STXBP5L: variants seen among roughly 807,000 people sequenced by gnomAD.
The protein encoded by STXBP5L is syntaxin-binding protein 5-like.
STXBP5L carries 65 observed loss-of-function variants against 144.5 expected under a neutral mutation model. The ratio of observed to expected loss-of-function variants is 0.45; its 90% CI spans 0.37 to 0.55. The LOEUF (loss-of-function observed/expected upper bound fraction) is 0.55. STXBP5L is among the 20% of genes least tolerant of loss of function. The pLI, the probability that STXBP5L is intolerant of heterozygous loss-of-function variation, is 0.00. For synonymous variants in STXBP5L, 505 were observed against 469.6 expected (o/e 1.08, Z -0.97); for missense variants, 1,298 against 1,405.5 (o/e 0.92, Z 1.22).
At chr3:121,005,935 G>A (rs892956317) in intron 3 of STXBP5L, among the ~76,000 whole-genome samples, 3 of 152,098 alleles carry the variant, frequency 2.0e-5, no homozygotes, top group South Asian at 2.1e-4. Flanking sequence ...TATGATTTCT[G>A]TTCTTTTACA....
intron 2 of STXBP5L, among the ~76,000 whole-genome samples, chr3:120,918,231 G>A (rs1172385325): frequency 3.3e-5 from 5 of 152,078 alleles, no homozygotes; most frequent in Non-Finnish European, 7.4e-5. Flanking sequence ...GATAATCCAG[G>A]TTAATCTCCC....
intron 7 of STXBP5L, among the ~76,000 whole-genome samples, chr3:121,139,011 A>G (rs2045381746): frequency 6.6e-6 from 1 of 152,024 alleles, no homozygotes; most frequent in Non-Finnish European, 1.5e-5. Context: ...GTTCTTACTC[A>G]TATTGGAGGG....
rs1419391732 is a variant in STXBP5L, at chr3:121,240,463, T to C, written c.1356T>C (p.Ala452=). The C allele has an allele frequency of 2.5e-6, 4 of 1,613,598 alleles. No individual in the cohort carries two copies. The highest frequency in any genetic ancestry group is 2.2e-5 in the East Asian group (1 of 44,780). Residue 452 remains alanine, a synonymous_variant, in exon 14 of 27, where the codon GCT becomes GCC. Transcript: ENST00000471454. ...SNKEWPISGG[A]WNLGAQTYPE... ...AGGAGTGGCCAATCAGTGGAGGAGCTTGGAACCTTGGAGCACAAACATATC... is the reference window on the plus strand; with the variant it reads ...AGGAGTGGCCAATCAGTGGAGGAGCCTGGAACCTTGGAGCACAAACATATC...
intron 3 of STXBP5L, among the ~76,000 whole-genome samples, chr3:121,002,819 C>T (rs1943902223): frequency 6.8e-6 from 1 of 146,394 alleles, no homozygotes; most frequent in Non-Finnish European, 1.5e-5. Flanking sequence ...GGTTTTTTGT[C>T]CTTGCGATAG....
At chr3:121,402,457 C>G (rs2046902261) in intron 22 of STXBP5L, among the ~76,000 whole-genome samples, 1 of 151,916 alleles carries the variant, frequency 6.6e-6, no homozygotes, top group Non-Finnish European at 1.5e-5. Flanking sequence ...GTCATTCACC[C>G]CCTTCATGTT....
chr3:121,053,469 C>T lies in STXBP5L; in HGVS notation c.470+7934C>T, dbSNP rs566877721. Among the ~76,000 whole-genome samples, 12 of 152,240 alleles carry T rather than the reference C, an allele frequency of 7.9e-5. No individual in the cohort carries two copies. The South Asian group carries it at 2.5e-3, about 32-fold the overall frequency. On this transcript the variant is annotated intron_variant, in intron 5 of 26. Transcript: ENST00000471454. ...TACAACCATCTGATCTTTGCCAAAC[C>T]TGACAAAAACAAGAAATGGGGAAAG...
At chr3:120,935,912 G>A (rs1377809770) in intron 2 of STXBP5L, among the ~76,000 whole-genome samples, 2 of 151,762 alleles carry the variant, frequency 1.3e-5, no homozygotes, top group Admixed American at 6.6e-5. Flanking sequence ...GGTGTCTGTC[G>A]TTAATTTTGG....
At chr3:121,087,276 G>A (rs2042544540) in intron 5 of STXBP5L, among the ~76,000 whole-genome samples, 4 of 152,018 alleles carry the variant, frequency 2.6e-5, no homozygotes, top group Admixed American at 2.6e-4. Flanking sequence ...CTGAGAGAGA[G>A]GTATTGAAGT....
chr3:120,994,943 A>T (rs899392356), intron 3 of STXBP5L, among the ~76,000 whole-genome samples: 5 of 151,884 alleles, frequency 3.3e-5, no homozygotes, highest in African/African-American at 1.2e-4. Context: ...TACTGATTCA[A>T]TCTTGTTATC....
intron 6 of STXBP5L, among the ~76,000 whole-genome samples, chr3:121,116,367 G>A (rs1241816445): frequency 6.6e-6 from 1 of 151,988 alleles, no homozygotes; most frequent in Non-Finnish European, 1.5e-5. Flanking sequence ...TCATAAGGAA[G>A]GTTGTTACTA....
chr3:121,038,058 A>G (rs1421944398), intron 3 of STXBP5L, among the ~76,000 whole-genome samples: 4 of 151,888 alleles, frequency 2.6e-5, no homozygotes, highest in Non-Finnish European at 4.4e-5. Context: ...ACTCTGGCGG[A>G]AGGTTTATTA....
At chr3:121,049,059 C>T (rs1042764136) in intron 5 of STXBP5L, among the ~76,000 whole-genome samples, 2 of 152,160 alleles carry the variant, frequency 1.3e-5, no homozygotes, top group African/African-American at 4.8e-5. Context: ...AAGCACAGAG[C>T]TGCTACTAGC....
chr3:120,909,809 T>C (rs1708732793), intron 2 of STXBP5L, 42 bp downstream of exon 2: 1 of 1,561,342 alleles, frequency 6.4e-7, no homozygotes, highest in South Asian at 1.2e-5. Flanking sequence ...TTCTTTATTA[T>C]ACTGTTGTAA....
At chr3:121,160,333 T>G (rs1437251284) in intron 9 of STXBP5L, among the ~76,000 whole-genome samples, 1 of 152,146 alleles carries the variant, frequency 6.6e-6, no homozygotes, top group East Asian at 1.9e-4. Context: ...TAGTCCACCT[T>G]TTGTATACAC....
chr3:120,971,607 G>A (rs1181174578), intron 3 of STXBP5L, among the ~76,000 whole-genome samples: 1 of 150,646 alleles, frequency 6.6e-6, no homozygotes, highest in Non-Finnish European at 1.5e-5. Context: ...TCTTTTTATG[G>A]CTGAGTAGTA....
At chr3:121,293,619 G>T (rs1023675090) in intron 19 of STXBP5L, among the ~76,000 whole-genome samples, 3 of 152,194 alleles carry the variant, frequency 2.0e-5, no homozygotes, top group Admixed American at 2.0e-4. Context: ...CAACACTTTG[G>T]GAGGCCAAGG....
chr3:121,051,920 C>T (rs1479450003), intron 5 of STXBP5L, among the ~76,000 whole-genome samples: 1 of 151,654 alleles, frequency 6.6e-6, no homozygotes, highest in Non-Finnish European at 1.5e-5. Flanking sequence ...CCACCGATCC[C>T]ACAGAAATAC....
At chr3:121,290,147 G>T (rs1559940018) in intron 19 of STXBP5L, among the ~76,000 whole-genome samples, 1 of 151,950 alleles carries the variant, frequency 6.6e-6, no homozygotes, top group Non-Finnish European at 1.5e-5. Flanking sequence ...AAAATTGACA[G>T]AACATTAATG....
At chr3:121,079,298 A>G (rs779362967) in intron 5 of STXBP5L, among the ~76,000 whole-genome samples, 11 of 152,232 alleles carry the variant, frequency 7.2e-5, no homozygotes, top group African/African-American at 2.2e-4. Flanking sequence ...GCATTACAAC[A>G]TTTCTTACAT....
Sources: allele counts gnomAD v4.1 joint callset (sites outside exome capture counted in the v4.1 genomes callset), GRCh38; gene constraint gnomAD v4.1.1; transcripts MANE v1.5; gene names NCBI Gene and HGNC (gene_info 2026-07-23, HGNC 2026-07-21).